EDIL3: variants seen among roughly 807,000 people sequenced by gnomAD.
EDIL3 encodes the protein EGF like and discoidin domains 3.
Under a neutral mutation model 67.4 loss-of-function variants are expected in EDIL3, and 37 were observed. That is an observed-to-expected ratio of 0.55 (90% CI 0.42 to 0.72). The LOEUF (loss-of-function observed/expected upper bound fraction) is 0.72. Ranked by LOEUF, EDIL3 falls within the 30% of genes least tolerant of loss-of-function variation. The probability of loss-of-function intolerance (pLI) is 0.00; values close to 1 mark genes in which losing one functional copy is unlikely to be tolerated. For synonymous variants in EDIL3, 195 were observed against 196.3 expected (o/e 0.99, Z 0.05); for missense variants, 527 against 586.3 (o/e 0.90, Z 1.04).
intron 3 of EDIL3, among the ~76,000 whole-genome samples, chr5:84,207,464 A>C (rs904221535): frequency 6.6e-6 from 1 of 152,250 alleles, no homozygotes; most frequent in African/African-American, 2.4e-5. Context: ...GAAAATGGTC[A>C]TACTGCCCAA....
At chr5:83,973,470 G>A (rs1744825981) in intron 9 of EDIL3, among the ~76,000 whole-genome samples, 1 of 151,990 alleles carries the variant, frequency 6.6e-6, no homozygotes, top group African/African-American at 2.4e-5. Context: ...TTGTTATTTA[G>A]TATTTTTTGA....
At chr5:84,292,965 C>T (rs979069083) in intron 1 of EDIL3, among the ~76,000 whole-genome samples, 2 of 152,170 alleles carry the variant, frequency 1.3e-5, no homozygotes, top group Non-Finnish European at 2.9e-5. Context: ...GGGTTACAAT[C>T]TTCCCAGACG....
intron 5 of EDIL3, among the ~76,000 whole-genome samples, chr5:84,115,111 G>C (rs932761995): frequency 1.3e-5 from 2 of 152,128 alleles, no homozygotes; most frequent in African/African-American, 4.8e-5. Flanking sequence ...TCTGAATGTA[G>C]ATATTATCAC....
intron 1 of EDIL3, among the ~76,000 whole-genome samples, chr5:84,303,808 CTG>C (rs199605264): frequency 0.19 from 25,303 of 134,766 alleles, 2,150 homozygotes; most frequent in Middle Eastern, 0.27. Context: ...CTCTCTCTCT[CTG>C]TGTGTGTGTG....
chr5:84,271,400 C>T (rs1448655937), intron 1 of EDIL3, among the ~76,000 whole-genome samples: 3 of 146,454 alleles, frequency 2.0e-5, no homozygotes, highest in Non-Finnish European at 4.5e-5. Flanking sequence ...GGCGACAGAG[C>T]GAGACTCTGT....
intron 10 of EDIL3, among the ~76,000 whole-genome samples, chr5:83,946,462 A>T (rs933656600): frequency 6.6e-6 from 1 of 151,890 alleles, no homozygotes; most frequent in Non-Finnish European, 1.5e-5. Flanking sequence ...AGAAAAATAC[A>T]ACTCCCTCAA....
intron 9 of EDIL3, among the ~76,000 whole-genome samples, chr5:84,034,972 A>T (rs1745993645): frequency 6.6e-6 from 1 of 152,158 alleles, no homozygotes; most frequent in Admixed American, 6.6e-5. Context: ...AAATTTTATG[A>T]TGATTTATCT....
Position 84,074,614 on chromosome 5 carries a change from G to T in EDIL3, c.652-8008C>A, listed in dbSNP as rs1206592159. The stretch of plus-strand genomic sequence containing the variant: ...CATGAAAAAATGCTCACCATCACTG[G>T]CCATCAGCGAAATGCAAATCAAAAC... On this transcript the variant is annotated intron_variant, in intron 6 of 10. Coordinates refer to ENST00000296591, the MANE Select transcript of EDIL3 (RefSeq NM_005711.5). Among the ~76,000 whole-genome samples, 5 of 151,568 alleles carry T rather than the reference G, an allele frequency of 3.3e-5. No homozygotes were observed. The South Asian group carries it at 6.3e-4, about 19-fold the overall frequency.
intron 9 of EDIL3, among the ~76,000 whole-genome samples, chr5:83,984,589 G>A (rs1446409751): frequency 6.6e-6 from 1 of 152,052 alleles, no homozygotes; most frequent in Non-Finnish European, 1.5e-5. Flanking sequence ...GAGTTTATAT[G>A]GCAGGGCTTT....
chr5:84,153,931 G>A (rs1748445223), intron 4 of EDIL3, among the ~76,000 whole-genome samples: 1 of 152,156 alleles, frequency 6.6e-6, no homozygotes. Context: ...TGTTGCTGGG[G>A]AGTGGTGTCA....
chr5:84,186,990 C>A (rs1027169208), intron 3 of EDIL3, among the ~76,000 whole-genome samples: 1 of 152,034 alleles, frequency 6.6e-6, no homozygotes, highest in South Asian at 2.1e-4. Flanking sequence ...TCATAAAATT[C>A]GAAATTATCT....
intron 5 of EDIL3, 63 bp downstream of exon 5, chr5:84,137,178 T>C (rs879432255): frequency 6.0e-4 from 584 of 969,796 alleles, no homozygotes; most frequent in Non-Finnish European, 7.8e-4. Flanking sequence ...TGTGTGTGTG[T>C]ATACATACAC....
chr5:83,961,461 A>C (rs953056542), intron 10 of EDIL3, among the ~76,000 whole-genome samples: 37 of 151,396 alleles, frequency 2.4e-4, no homozygotes, highest in African/African-American at 8.9e-4. Context: ...AATTACTCAC[A>C]TATGAAATCA....
At chr5:84,007,402 TAAG>T (rs2112176307) in intron 9 of EDIL3, among the ~76,000 whole-genome samples, 2 of 152,082 alleles carry the variant, frequency 1.3e-5, no homozygotes, top group South Asian at 4.2e-4. Flanking sequence ...CCAGAATACA[TAAG>T]GAGTTCAAAC....
chr5:84,338,328 T>C (rs1171030455), intron 1 of EDIL3, among the ~76,000 whole-genome samples: 1 of 152,164 alleles, frequency 6.6e-6, no homozygotes, highest in Admixed American at 6.6e-5. Context: ...AATGCGCTTA[T>C]GCGACTTGGT....
intron 6 of EDIL3, among the ~76,000 whole-genome samples, chr5:84,082,028 G>T (rs937190985): frequency 6.6e-6 from 1 of 152,216 alleles, no homozygotes; most frequent in Non-Finnish European, 1.5e-5. Flanking sequence ...ACCGAAAACA[G>T]AATTCTCTGA....
chr5:84,107,216 TC>T (rs1194986444), intron 5 of EDIL3, among the ~76,000 whole-genome samples: 1 of 152,098 alleles, frequency 6.6e-6, no homozygotes, highest in Non-Finnish European at 1.5e-5. Flanking sequence ...CAAATATTTT[TC>T]CATCCATTAT....
intron 3 of EDIL3, among the ~76,000 whole-genome samples, chr5:84,205,434 G>A (rs1023350686): frequency 2.0e-4 from 31 of 152,146 alleles, no homozygotes; most frequent in Non-Finnish European, 3.5e-4. Flanking sequence ...CTTTATCTCC[G>A]TGACAGAAGT....
intron 1 of EDIL3, among the ~76,000 whole-genome samples, chr5:84,383,569 G>C (rs966265869): frequency 1.3e-5 from 2 of 152,182 alleles, no homozygotes; most frequent in African/African-American, 4.8e-5. Context: ...GGACGCGAGG[G>C]GTGGCTTGCC....
Sources: gnomAD v4.1 joint callset for allele counts (sites outside exome capture counted in the v4.1 genomes callset) on GRCh38, gnomAD v4.1.1 for gene constraint, MANE v1.5 for transcripts, NCBI Gene and HGNC (gene_info 2026-07-23, HGNC 2026-07-21) for gene names.